Variants in CDCA4 observed in about 807,000 individuals in gnomAD.
CDCA4 encodes cell division cycle-associated protein 4.
For missense variants in CDCA4, 294 were observed against 322.1 expected, an observed-to-expected ratio of 0.91 and a Z score of 0.67; for synonymous variants, 130 against 137.0, an observed-to-expected ratio of 0.95 and a Z score of 0.36.
intron 1 of CDCA4, among the ~76,000 whole-genome samples, chr14:105,016,845 C>T (rs2140910873): frequency 6.6e-6 from 1 of 152,266 alleles, no homozygotes; most frequent in East Asian, 1.9e-4. Context: ...CAACAGTTCC[C>T]AACAGAGTAG....
intron 1 of CDCA4, 84 bp downstream of exon 1, chr14:105,020,915 C>A (rs1445105307): frequency 6.6e-6 from 1 of 152,044 alleles, no homozygotes; most frequent in Non-Finnish European, 1.5e-5. Flanking sequence ...AGACTCCGCG[C>A]ACCGCCCCCA....
intron 1 of CDCA4, among the ~76,000 whole-genome samples, chr14:105,014,756 A>C (rs1477948835): frequency 6.6e-6 from 1 of 152,214 alleles, no homozygotes; most frequent in Admixed American, 6.5e-5. Context: ...GTTGGGGAAA[A>C]GATTAAGTCC....
chr14:105,012,856 C>A lies in CDCA4; in HGVS notation c.-6-921G>T, dbSNP rs192720788. Among the ~76,000 whole-genome samples, 12 of 152,338 alleles carry A rather than the reference C, an allele frequency of 7.9e-5. No homozygotes were observed. The East Asian group carries it at 2.3e-3, about 29-fold the overall frequency. ...CGAGAGCTCTGACCAGCCCGTACAA[C>A]CATGGCCTCAGGGGCCACCTCCCCT... On this transcript the variant is annotated intron_variant, in intron 1 of 1. Transcript: ENST00000336219.
At chr14:105,014,136 T>C (rs1305093173) in intron 1 of CDCA4, among the ~76,000 whole-genome samples, 1 of 151,896 alleles carries the variant, frequency 6.6e-6, no homozygotes, top group African/African-American at 2.4e-5. Flanking sequence ...AGCTGAGGGG[T>C]GGCAGGGCTA....
intron 1 of CDCA4, among the ~76,000 whole-genome samples, chr14:105,012,873 A>T (rs1455196994): frequency 1.4e-5 from 2 of 147,648 alleles, no homozygotes; most frequent in Non-Finnish European, 3.0e-5. Flanking sequence ...CTCAGGGGCC[A>T]CCTCCCCTCT....
At chr14:105,012,000 A>ATTTC (rs1900519219) in intron 1 of CDCA4, 65 bp from the exon 2 acceptor site, 3 of 1,528,526 alleles carry the variant, frequency 2.0e-6, no homozygotes, top group South Asian at 2.5e-5. Flanking sequence ...CGCCCCTTGG[A>ATTTC]TTTCGTCTGA....
rs139394690 is a variant in CDCA4, at chr14:105,016,647, G to A, written c.-7+4352C>T. On this transcript the variant is annotated intron_variant, in intron 1 of 1. Coordinates refer to ENST00000336219, the MANE Select transcript of CDCA4 (RefSeq NM_017955.4). ...CGTCTGTGTTCCTACCCTGTTCCAC[G>A]GCTGCTCTCCTGCCAGGACCAGACA... Among the ~76,000 whole-genome samples, 350 of 152,220 alleles carry A rather than the reference G, an allele frequency of 2.3e-3. 1 individual carries two copies. The highest frequency in any genetic ancestry group is 3.6e-3 in the Non-Finnish European group (243 of 68,010).
chr14:105,010,027 G>A lies in CDCA4; in HGVS notation c.*1177C>T, dbSNP rs1200193751. ...TGCACAAAAGAAAACACACCTTTTTGGTTAAGGGGTGAGGAAGTTAGAGAA... is the reference window on the plus strand; with the variant it reads ...TGCACAAAAGAAAACACACCTTTTTAGTTAAGGGGTGAGGAAGTTAGAGAA... On this transcript the variant is annotated 3_prime_UTR_variant, in exon 2 of 2. Coordinates refer to ENST00000336219, the MANE Select transcript of CDCA4 (RefSeq NM_017955.4). 1.3e-5 allele frequency: 2 copies of A among 152,398 alleles called. No homozygotes were observed. Among genetic ancestry groups the A allele is most frequent in the Non-Finnish European group, 2.9e-5 (2 of 68,030 alleles). 9.4% of individuals were successfully genotyped at this position (152,398 alleles called of 1,614,324 possible).
At chr14:105,012,915 AAACATGGCAG>A (rs1040035783) in intron 1 of CDCA4, among the ~76,000 whole-genome samples, 1 of 152,012 alleles carries the variant, frequency 6.6e-6, no homozygotes, top group African/African-American at 2.4e-5. Flanking sequence ...AAAGGAACCA[AAACATGGCAG>A]GGTATGTGTG....
In CDCA4 at chr14:105,011,539, G is replaced by C; in HGVS notation, c.391C>G (p.Pro131Ala). The C allele has an allele frequency of 6.2e-7, 1 of 1,614,138 alleles. No homozygotes were observed. Among genetic ancestry groups the C allele is most frequent in the Non-Finnish European group, 8.5e-7 (1 of 1,180,018 alleles). Reference protein sequence around the residue: ...HTQGPVSDLCPVTSAQAPRHL... With the variant: ...HTQGPVSDLCAVTSAQAPRHL... ...CTTGGTGCCTGTGCTGAGGTGACTG[G>C]GCAAAGGTCAGAAACTGGACCCTGT... The change falls in exon 2 of 2, where the codon CCA becomes GCA. Residue 131 changes from proline to alanine, a missense_variant. Physicochemically the swap from Pro to Ala is conservative, Grantham distance 27. Transcript: ENST00000336219.
chr14:105,013,313 G>A (rs866390887), intron 1 of CDCA4, among the ~76,000 whole-genome samples: 7 of 152,264 alleles, frequency 4.6e-5, no homozygotes, highest in East Asian at 1.9e-4. Flanking sequence ...AGCCAGTGCC[G>A]CCTGCGGGGA....
intron 1 of CDCA4, among the ~76,000 whole-genome samples, chr14:105,019,346 G>C (rs1427281260): frequency 1.3e-5 from 2 of 152,124 alleles, no homozygotes; most frequent in East Asian, 1.9e-4. Context: ...TCGGGGACTG[G>C]TCCTTCACTA....
At chr14:105,016,285 C>A (rs779699317) in intron 1 of CDCA4, among the ~76,000 whole-genome samples, 1 of 152,220 alleles carries the variant, frequency 6.6e-6, no homozygotes, top group African/African-American at 2.4e-5. Context: ...CCTTTCCAGT[C>A]GTTTCTCCCA....
chr14:105,011,393 C>T lies in CDCA4; in HGVS notation c.537G>A (p.Glu179=), dbSNP rs771043132. Residue 179 remains glutamate (E), a synonymous_variant, in exon 2 of 2, where the codon GAG becomes GAA. Transcript: ENST00000336219. ...AGGGGCTGTCCACGTCTGAGAACAG[C>T]TCTTCCATGCAGCTGGGGTTTTTAG... ...LETKNPSCME[E]LFSDVDSPYY... is the part of the protein sequence containing the mutation. 5 of 1,614,120 alleles carry T rather than the reference C, an allele frequency of 3.1e-6. No homozygotes were observed. The African/African-American group carries it at 4.0e-5, about 13-fold the overall frequency.
Position 105,011,253 on chromosome 14 carries a change from G to T in CDCA4, c.677C>A (p.Ser226Tyr). Residue 226 changes from serine (S) to tyrosine (Y), a missense_variant, in exon 2 of 2, where the codon TCC (serine) becomes TAC (tyrosine). Transcript: ENST00000336219. ...CACGTGGTCCAGCTCGCCCAGGTCGGACTTGCAGCTGGAGCTAGGGCCTGG... is the reference window on the plus strand; with the variant it reads ...CACGTGGTCCAGCTCGCCCAGGTCGTACTTGCAGCTGGAGCTAGGGCCTGG... ...ATPGPSSSCK[S>Y]DLGELDHVVE... The T allele has an allele frequency of 6.2e-7, 1 of 1,613,466 alleles. No homozygotes were observed. The highest frequency in any genetic ancestry group is 1.1e-5 in the South Asian group (1 of 91,024).
chr14:105,020,914 G>C (rs1439197525), intron 1 of CDCA4, 85 bp downstream of exon 1: 2 of 152,002 alleles, frequency 1.3e-5, no homozygotes, highest in African/African-American at 4.8e-5. Context: ...CAGACTCCGC[G>C]CACCGCCCCC....
At position 105,011,806 on chromosome 14, in the gene CDCA4, G is replaced by C. The variant is rs1322638641; in HGVS notation, c.124C>G (p.Leu42Val). The change falls in exon 2 of 2, where the codon CTG (leucine) becomes GTG (valine). Residue 42 changes from leucine (L) to valine (V), a missense_variant. Physicochemically the swap from Leu to Val is conservative, Grantham distance 32. Coordinates refer to ENST00000336219, the MANE Select transcript of CDCA4 (RefSeq NM_017955.4). ...LQRQSLLDMS[L>V]VKLQLCHMLV... ...ATGTGGCAAAGCTGCAACTTCACCA[G>C]AGACATGTCCAGGAGCGACTGCCGC... is the stretch of plus-strand genomic sequence containing the variant. 1.9e-6 allele frequency: 3 copies of C among 1,613,716 alleles called. No homozygotes were observed. The African/African-American group carries it at 4.0e-5, about 22-fold the overall frequency.
chr14:105,019,014 G>A (rs1886155490), intron 1 of CDCA4, among the ~76,000 whole-genome samples: 4 of 152,082 alleles, frequency 2.6e-5, no homozygotes, highest in African/African-American at 9.7e-5. Context: ...TGGATTACAG[G>A]CGTGAGCCAC....
rs894704113 is a variant in CDCA4 at position 105,010,048 on chromosome 14, G to C, written c.*1156C>G. On this transcript the variant is annotated 3_prime_UTR_variant, in exon 2 of 2. Coordinates refer to ENST00000336219, the MANE Select transcript of CDCA4 (RefSeq NM_017955.4). ...TTTTGGTTAAGGGGTGAGGAAGTTA[G>C]AGAAAGCATGAGAAACAGGGAGCAT... is the stretch of plus-strand genomic sequence containing the variant. 5 of 152,560 alleles carry C rather than the reference G, an allele frequency of 3.3e-5. No individual in the cohort carries two copies. Among genetic ancestry groups the C allele is most frequent in the Non-Finnish European group, 7.3e-5 (5 of 68,054 alleles). The allele number at this position is 152,560 out of a possible 1,614,324, so 9.5% of individuals were successfully genotyped here.
Sources: gnomAD v4.1 joint callset for allele counts (sites outside exome capture counted in the v4.1 genomes callset) on GRCh38, gnomAD v4.1.1 for gene constraint, MANE v1.5 for transcripts, NCBI Gene and HGNC (gene_info 2026-07-23, HGNC 2026-07-21) for gene names.